RAB3D: variants seen among roughly 807,000 people sequenced by gnomAD.
The protein encoded by RAB3D is ras-related protein Rab-3D.
RAB3D carries 17 observed loss-of-function variants against 19.3 expected under a neutral mutation model. The observed-to-expected ratio is 0.88, with a 90% CI of 0.60 to 1.32. RAB3D has a LOEUF of 1.32. RAB3D is among the 40% of genes most tolerant of loss of function. The pLI is 0.00. For missense variants in RAB3D, 223 were observed against 299.1 expected (o/e 0.75, Z 1.88); for synonymous variants, 103 against 119.9 (o/e 0.86, Z 0.92).
rs1966930576 is a variant in RAB3D at position 11,339,536 on chromosome 19, C to T, written c.-129G>A. The T allele has an allele frequency of 6.6e-6, 1 of 152,398 alleles. No individual in the cohort carries two copies. Among genetic ancestry groups the T allele is most frequent in the South Asian group, 2.1e-4 (1 of 4,836 alleles). 9.4% of individuals were successfully genotyped at this position (152,398 alleles called of 1,614,324 possible). ...AGGGGTGACCTCGCGTAGGGGGCGC[C>T]GCCTGCAGGGGTTCCGCCTGTGAAC... On this transcript the variant is annotated 5_prime_UTR_variant, in exon 1 of 5. Coordinates refer to ENST00000222120, the MANE Select transcript of RAB3D (RefSeq NM_004283.4).
intron 4 of RAB3D, among the ~76,000 whole-genome samples, chr19:11,332,712 C>G (rs1209522877): frequency 6.6e-6 from 1 of 152,146 alleles, no homozygotes; most frequent in Admixed American, 6.6e-5. Flanking sequence ...AATTCTTGGC[C>G]TGAAGCAATC....
intron 4 of RAB3D, among the ~76,000 whole-genome samples, chr19:11,333,241 G>C (rs1326101747): frequency 1.3e-5 from 2 of 151,824 alleles, no homozygotes; most frequent in East Asian, 3.9e-4. Flanking sequence ...CACCACGCCT[G>C]GCTAATTTTT....
chr19:11,330,881 T>G (rs1163442168), intron 4 of RAB3D, among the ~76,000 whole-genome samples: 1 of 151,184 alleles, frequency 6.6e-6, no homozygotes, highest in African/African-American at 2.4e-5. Context: ...GCAGGTGTGG[T>G]GGAGTACACC....
chr19:11,326,764 C>G (rs138084747), intron 4 of RAB3D: 1 of 696,096 alleles, frequency 1.4e-6, no homozygotes, highest in South Asian at 1.5e-5. Flanking sequence ...CCACCATGCC[C>G]GGCTAATTTT....
chr19:11,338,922 C>T (rs911538903), intron 1 of RAB3D, among the ~76,000 whole-genome samples: 4 of 152,242 alleles, frequency 2.6e-5, no homozygotes, highest in Non-Finnish European at 5.9e-5. Context: ...GGGAACCGCA[C>T]GGAGAGGCTG....
At chr19:11,336,969 C>T (rs1015300709) in intron 2 of RAB3D, among the ~76,000 whole-genome samples, 2 of 136,792 alleles carry the variant, frequency 1.5e-5, no homozygotes, top group Admixed American at 7.5e-5. Context: ...GACTCTGTCT[C>T]GAGAGAAAAA....
rs1220789765 is a variant in RAB3D at position 11,324,713 on chromosome 19, C to G, written c.*685G>C. On this transcript the variant is annotated 3_prime_UTR_variant, in exon 5 of 5. Transcript: ENST00000222120. ...TGGCAGGGTCGTGGGTGATGTGGAT[C>G]TTGGGGGAAGCTTGGAAGGCACTTC... The G allele has an allele frequency of 1.3e-5, 2 of 152,650 alleles. No homozygotes were observed. Among genetic ancestry groups the G allele is most frequent in the African/African-American group, 4.8e-5 (2 of 41,412 alleles). 9.5% of individuals were successfully genotyped at this position (152,650 alleles called of 1,614,324 possible).
chr19:11,329,472 T>C (rs985361318), intron 4 of RAB3D, among the ~76,000 whole-genome samples: 56 of 151,200 alleles, frequency 3.7e-4, no homozygotes, highest in African/African-American at 1.3e-3. Context: ...CCAGGCGTGG[T>C]GGCACATGCC....
chr19:11,328,772 A>G (rs1163566112), intron 4 of RAB3D, among the ~76,000 whole-genome samples: 3 of 151,982 alleles, frequency 2.0e-5, no homozygotes, highest in African/African-American at 7.2e-5. Context: ...AGCTGAGGTC[A>G]TGCCATTGCA....
intron 4 of RAB3D, among the ~76,000 whole-genome samples, chr19:11,332,387 C>G (rs930729929): frequency 6.6e-6 from 1 of 152,166 alleles, no homozygotes; most frequent in Non-Finnish European, 1.5e-5. Context: ...CTCTGTCACC[C>G]AGGCTGGCAT....
intron 4 of RAB3D, among the ~76,000 whole-genome samples, chr19:11,331,826 G>A (rs7246752): frequency 0.25 from 38,177 of 151,564 alleles, 8,630 homozygotes; most frequent in African/African-American, 0.61. Context: ...TTTAAAAAAC[G>A]ACGACGACAA....
chr19:11,328,333 CAAAA>C (rs71164187), intron 4 of RAB3D, among the ~76,000 whole-genome samples: 2 of 57,834 alleles, frequency 3.5e-5, no homozygotes, highest in African/African-American at 1.3e-4. Flanking sequence ...GATATTATCT[CAAAA>C]AAAAAAAAAA....
At chr19:11,327,051 T>C (rs1186837981) in intron 4 of RAB3D, 1 of 466,376 alleles carries the variant, frequency 2.1e-6, no homozygotes, top group Non-Finnish European at 3.8e-6. Context: ...CAAGGGTAAG[T>C]GGACCTGTCT....
intron 4 of RAB3D, among the ~76,000 whole-genome samples, chr19:11,329,624 CAAAAG>C (rs1357571200): frequency 2.7e-5 from 4 of 150,742 alleles, no homozygotes; most frequent in African/African-American, 9.8e-5. Context: ...AAAAATAAAA[CAAAAG>C]AAAAGAAAAA....
chr19:11,325,799 C>T (rs113924851), intron 4 of RAB3D, among the ~76,000 whole-genome samples: 1,811 of 152,232 alleles, frequency 0.012, 31 homozygotes, highest in African/African-American at 0.041. Flanking sequence ...GCAGGCCAGG[C>T]GCAGGGGCTT....
intron 4 of RAB3D, among the ~76,000 whole-genome samples, chr19:11,330,589 G>T (rs898186937): frequency 1.3e-5 from 2 of 152,152 alleles, no homozygotes; most frequent in African/African-American, 4.8e-5. Flanking sequence ...TCGCTCTCTT[G>T]CCCAGGCTGG....
intron 1 of RAB3D, among the ~76,000 whole-genome samples, chr19:11,338,146 G>A (rs948075561): frequency 6.6e-6 from 1 of 152,032 alleles, no homozygotes; most frequent in Non-Finnish European, 1.5e-5. Flanking sequence ...CTGGTATAGA[G>A]CTGGGGCACA....
At chr19:11,335,862 T>C in intron 2 of RAB3D, 79 bp from the exon 3 acceptor site, 1 of 1,305,892 alleles carries the variant, frequency 7.7e-7, no homozygotes, top group East Asian at 2.3e-5. Context: ...CACTGCCCTG[T>C]ACTCATAGCC....
intron 2 of RAB3D, 48 bp from the exon 3 acceptor site, chr19:11,335,831 T>G: frequency 1.3e-6 from 2 of 1,540,066 alleles, no homozygotes; most frequent in South Asian, 1.1e-5. Context: ...TGTTTCCCAG[T>G]CCACCCCTGT....
Sources: allele counts gnomAD v4.1 joint callset (sites outside exome capture counted in the v4.1 genomes callset), GRCh38; gene constraint gnomAD v4.1.1; transcripts MANE v1.5; gene names NCBI Gene and HGNC (gene_info 2026-07-23, HGNC 2026-07-21).